TEC: variants seen among roughly 807,000 people sequenced by gnomAD.
TEC encodes tyrosine-protein kinase Tec.
TEC carries 72 observed loss-of-function variants against 93.0 expected under a neutral mutation model. The ratio of observed to expected loss-of-function variants is 0.77; its 90% confidence interval spans 0.64 to 0.94. The LOEUF (loss-of-function observed/expected upper bound fraction) is 0.94. TEC is among the 40% of genes least tolerant of loss of function. TEC has a pLI of 0.00. For missense variants in TEC, 630 were observed against 757.9 expected (o/e 0.83, Z 1.98); for synonymous variants, 249 against 247.7 (o/e 1.01, Z -0.05).
chr4:48,207,436 T>C (rs1189873430), intron 2 of TEC, among the ~76,000 whole-genome samples: 1 of 152,130 alleles, frequency 6.6e-6, no homozygotes, highest in Admixed American at 6.5e-5. Flanking sequence ...AAGGCATTCT[T>C]CAAGACGTCC....
At chr4:48,196,283 A>T (rs77797634) in intron 2 of TEC, among the ~76,000 whole-genome samples, 2,372 of 152,272 alleles carry the variant, frequency 0.016, 64 homozygotes, top group African/African-American at 0.054. Context: ...TCTATAATAG[A>T]GCTTACTGCT....
At chr4:48,176,621 C>T (rs1318432770) in intron 2 of TEC, among the ~76,000 whole-genome samples, 1 of 152,140 alleles carries the variant, frequency 6.6e-6, no homozygotes, top group African/African-American at 2.4e-5. Context: ...ACTCAGGAGG[C>T]TGAGGCATGA....
At chr4:48,227,209 TA>T (rs1228955614) in intron 2 of TEC, among the ~76,000 whole-genome samples, 1 of 152,012 alleles carries the variant, frequency 6.6e-6, no homozygotes, top group Non-Finnish European at 1.5e-5. Flanking sequence ...CAGCAGAAAT[TA>T]AGAGTTGAGG....
intron 1 of TEC, among the ~76,000 whole-genome samples, chr4:48,231,629 G>A (rs1224257258): frequency 6.6e-6 from 1 of 151,680 alleles, no homozygotes; most frequent in East Asian, 1.9e-4. Flanking sequence ...TGGTGGCGGG[G>A]GCCTGTAGTC....
At chr4:48,200,853 A>G (rs1722481220) in intron 2 of TEC, among the ~76,000 whole-genome samples, 1 of 152,226 alleles carries the variant, frequency 6.6e-6, no homozygotes, top group African/African-American at 2.4e-5. Flanking sequence ...GACTATGGAG[A>G]GGAAAGACAG....
chr4:48,228,656 T>C lies in TEC; in HGVS notation c.-42A>G. 1 of 1,574,322 alleles carries C rather than the reference T, an allele frequency of 6.4e-7. No individual in the cohort carries two copies. ...CTCCTCCTGCCACTGAAGATCCCAG[T>C]ATTCTACAGTGAAAAAAGAAACAGT... On this transcript the variant is annotated 5_prime_UTR_variant, in exon 2 of 18. The change creates a new upstream start codon in the 5' untranslated region. Transcript: ENST00000381501.
At chr4:48,138,576 C>T (rs1381068137) in intron 17 of TEC, 89 bp downstream of exon 17, 132 of 1,435,630 alleles carry the variant, frequency 9.2e-5, no homozygotes, top group Non-Finnish European at 1.2e-4. Flanking sequence ...AGATGCACCA[C>T]CTCACTAGGC....
At chr4:48,211,499 T>C (rs1224960642) in intron 2 of TEC, among the ~76,000 whole-genome samples, 2 of 152,208 alleles carry the variant, frequency 1.3e-5, no homozygotes, top group Non-Finnish European at 2.9e-5. Flanking sequence ...TTTATCCTTA[T>C]ATTGTACTAC....
intron 2 of TEC, among the ~76,000 whole-genome samples, chr4:48,210,711 C>T (rs868328348): frequency 2.6e-5 from 4 of 152,082 alleles, no homozygotes; most frequent in South Asian, 2.1e-4. Context: ...TGAACCTACC[C>T]GAGGTATGCA....
At chr4:48,140,080 G>A (rs1719597581) in intron 15 of TEC, among the ~76,000 whole-genome samples, 1 of 152,224 alleles carries the variant, frequency 6.6e-6, no homozygotes, top group Non-Finnish European at 1.5e-5. Flanking sequence ...GTATATAAAA[G>A]CAAATAAAGA....
chr4:48,169,135 A>T (rs1381270259), intron 5 of TEC, among the ~76,000 whole-genome samples: 1 of 152,100 alleles, frequency 6.6e-6, no homozygotes, highest in Non-Finnish European at 1.5e-5. Context: ...CCCTAAAAGG[A>T]TTCCCCATGG....
At chr4:48,269,424 G>C (rs1724725119) in intron 1 of TEC, among the ~76,000 whole-genome samples, 1 of 152,160 alleles carries the variant, frequency 6.6e-6, no homozygotes, top group African/African-American at 2.4e-5. Context: ...ACTTGCCGCA[G>C]GGCGGCCTCA....
At chr4:48,199,688 C>T (rs576397579) in intron 2 of TEC, among the ~76,000 whole-genome samples, 7 of 151,912 alleles carry the variant, frequency 4.6e-5, no homozygotes, top group Non-Finnish European at 7.4e-5. Flanking sequence ...AGGGTGGTCT[C>T]GAACTCCTGA....
intron 2 of TEC, among the ~76,000 whole-genome samples, chr4:48,210,691 G>A (rs1722874735): frequency 6.6e-6 from 1 of 152,168 alleles, no homozygotes; most frequent in Admixed American, 6.5e-5. Flanking sequence ...GTTCAGAGAT[G>A]TCAAACACAT....
intron 9 of TEC, among the ~76,000 whole-genome samples, chr4:48,156,342 T>C (rs1405286555): frequency 6.6e-6 from 1 of 152,152 alleles, no homozygotes; most frequent in East Asian, 1.9e-4. Flanking sequence ...GTCATGTGTG[T>C]TGGTAAGAAA....
chr4:48,138,837 G>A lies in TEC; in HGVS notation c.1655-15C>T, dbSNP rs772167958. 14 of 1,613,418 alleles carry A rather than the reference G, an allele frequency of 8.7e-6. No homozygotes were observed. The South Asian group carries it at 1.2e-4, about 14-fold the overall frequency. On this transcript the variant is annotated splice_polypyrimidine_tract_variant and intron_variant, in intron 16 of 17. Coordinates refer to ENST00000381501, the MANE Select transcript of TEC (RefSeq NM_003215.3). The stretch of plus-strand genomic sequence containing the variant: ...CATTAAAACACCTGGAAAAGGATAA[G>A]GATTACCAAATGGATGTATCCACTT...
At chr4:48,168,666 T>C (rs775407563) in intron 5 of TEC, 40 bp from the exon 6 acceptor site, 4 of 1,585,346 alleles carry the variant, frequency 2.5e-6, no homozygotes, top group Non-Finnish European at 3.4e-6. Flanking sequence ...AAATGCTATC[T>C]ACCAATAATT....
intron 2 of TEC, among the ~76,000 whole-genome samples, chr4:48,215,661 A>G (rs905721625): frequency 2.6e-5 from 4 of 152,220 alleles, no homozygotes; most frequent in Non-Finnish European, 4.4e-5. Context: ...TTCAGCTTAC[A>G]ATGGGTTTAT....
In TEC at chr4:48,149,555, A is replaced by C; in HGVS notation, c.1006+2T>G. 6.3e-7 allele frequency: 1 copy of C among 1,595,550 alleles called. No homozygotes were observed. Among genetic ancestry groups the C allele is most frequent in the Non-Finnish European group, 8.5e-7 (1 of 1,173,644 alleles). On this transcript the variant is annotated splice_donor_variant, in intron 11 of 17. Coordinates refer to ENST00000381501, the MANE Select transcript of TEC (RefSeq NM_003215.3). LOFTEE classifies it high-confidence loss of function. ...TGAAGTAGGTTTTCACAGCTCACTT[A>C]CCTGCTGCATTGTGCTTATGATATT...
Sources: allele counts gnomAD v4.1 joint callset (sites outside exome capture counted in the v4.1 genomes callset), GRCh38; gene constraint gnomAD v4.1.1; transcripts MANE v1.5; gene names NCBI Gene and HGNC (gene_info 2026-07-23, HGNC 2026-07-21).